The following ZNF273 variants were observed in gnomAD, a reference collection of about 807,000 sequenced individuals.
The protein encoded by ZNF273 is zinc finger protein 273, also known as zinc finger protein 9.
In ZNF273, 11 loss-of-function variants were observed where a neutral mutation model predicts 14.9. That is an observed-to-expected ratio of 0.74 (90% confidence interval 0.46 to 1.22). The LOEUF (loss-of-function observed/expected upper bound fraction) is 1.22. Among genes scored for constraint, ZNF273 ranks in the 50% most tolerant of loss-of-function variants. The pLI is 0.00. For missense variants in ZNF273, 577 were observed against 660.6 expected (o/e 0.87, Z 1.39); for synonymous variants, 199 against 223.9 (o/e 0.89, Z 0.99).
In ZNF273 at chr7:64,886,692, A is replaced by T. The variant is rs1320766515; in HGVS notation, n.274-1881A>T. On this transcript the variant is annotated intron_variant and non_coding_transcript_variant, in intron 1 of 1. Coordinates refer to the ZNF273 transcript ENST00000471926. ...GAGGAGACTGAGACCAAGGTGGTGA[A>T]GGATCTTAACCAAAGCCAGGTACAG... 3.3e-5 allele frequency among the ~76,000 whole-genome samples: 5 copies of T among 152,344 alleles called. No homozygotes were observed. The East Asian group carries it at 9.6e-4, about 29-fold the overall frequency.
chr7:64,924,711 G>C (rs1352110551), intron 3 of ZNF273, among the ~76,000 whole-genome samples: 1 of 152,022 alleles, frequency 6.6e-6, no homozygotes, highest in East Asian at 1.9e-4. Context: ...TATTTGCATG[G>C]AATATTACTT....
chr7:64,920,079 T>C (rs1396441921), intron 3 of ZNF273, among the ~76,000 whole-genome samples: 1 of 152,140 alleles, frequency 6.6e-6, no homozygotes, highest in Non-Finnish European at 1.5e-5. Context: ...TCTTTTTATG[T>C]TGGGCCCCCA....
downstream of ZNF273, chr7:64,888,881 A>G (rs890670743): frequency 1.0e-6 from 1 of 985,664 alleles, no homozygotes; most frequent in Non-Finnish European, 1.2e-6. Flanking sequence ...CTGCCAGGGA[A>G]ACGGAGGCCC....
intron 1 of ZNF273, among the ~76,000 whole-genome samples, chr7:64,916,484 G>C (rs1794001126): frequency 6.9e-6 from 1 of 144,342 alleles, no homozygotes; most frequent in Admixed American, 7.2e-5. Context: ...GGCGAAGATT[G>C]CACTGAGCCG....
chr7:64,911,351 C>T (rs1290314357), intron 1 of ZNF273, among the ~76,000 whole-genome samples: 1 of 151,368 alleles, frequency 6.6e-6, no homozygotes, highest in Non-Finnish European at 1.5e-5. Flanking sequence ...GCAGCCTCTG[C>T]CTCCTGGGTT....
intron 1 of ZNF273, among the ~76,000 whole-genome samples, chr7:64,905,687 G>C (rs1793063213): frequency 6.6e-6 from 1 of 152,188 alleles, no homozygotes; most frequent in Non-Finnish European, 1.5e-5. Context: ...CAGTAACTGA[G>C]GTATAGTGTC....
In ZNF273 at chr7:64,927,914, C is replaced by A; in HGVS notation, c.586C>A (p.His196Asn). The change falls in exon 4 of 4, where the codon CAT becomes AAT. Residue 196 changes from histidine (H) to asparagine (N), a missense_variant. Around this residue, in one of 3 missense-constraint regions of ZNF273, gnomAD observed 411 missense variants for 440.4 expected, o/e 0.93. Transcript: ENST00000476120. ...TCATAAATTCTCAAATTCAAATATA[C>A]ATAAGAAAAGACAAACTGGAAAGAA... ...VLHKFSNSNI[H>N]KKRQTGKKPF... 6.2e-7 allele frequency: 1 copy of A among 1,613,404 alleles called. No homozygotes were observed. The highest frequency in any genetic ancestry group is 8.5e-7 in the Non-Finnish European group (1 of 1,179,766).
downstream of ZNF273, among the ~76,000 whole-genome samples, chr7:64,890,392 G>A (rs1020876345): frequency 2.0e-5 from 3 of 151,986 alleles, no homozygotes; most frequent in Non-Finnish European, 2.9e-5. Context: ...GATCAGCTGC[G>A]GTCTGGGTTT....
downstream of ZNF273, among the ~76,000 whole-genome samples, chr7:64,932,224 T>TAAA (rs34367766): frequency 5.7e-4 from 83 of 146,810 alleles, no homozygotes; most frequent in East Asian, 1.0e-3. Flanking sequence ...TAACTGTTTG[T>TAAA]AAAAAAAAAA....
At chr7:64,924,636 C>T (rs914763837) in intron 3 of ZNF273, among the ~76,000 whole-genome samples, 3 of 152,018 alleles carry the variant, frequency 2.0e-5, no homozygotes, top group Admixed American at 1.3e-4. Context: ...TTATAAAATA[C>T]GACAGTTACT....
chr7:64,879,073 T>A (rs1791185817), intron 2 of ZNF273, among the ~76,000 whole-genome samples: 1 of 152,250 alleles, frequency 6.6e-6, no homozygotes. Flanking sequence ...CAGCCATGTC[T>A]GCCTTTTGCC....
downstream of ZNF273, among the ~76,000 whole-genome samples, chr7:64,883,404 C>A (rs1406821046): frequency 6.6e-6 from 1 of 152,118 alleles, no homozygotes; most frequent in Non-Finnish European, 1.5e-5. Context: ...CGTCGTGAGG[C>A]GGGCACTCCT....
At chr7:64,900,755 T>G (rs1167744130), upstream of ZNF273, among the ~76,000 whole-genome samples, 2 of 152,194 alleles carry the variant, frequency 1.3e-5, no homozygotes, top group African/African-American at 4.8e-5. Flanking sequence ...GCACACCTAA[T>G]CCAATCAATC....
intron 1 of ZNF273, among the ~76,000 whole-genome samples, chr7:64,914,332 T>C (rs986864109): frequency 5.4e-5 from 8 of 148,136 alleles, no homozygotes; most frequent in Non-Finnish European, 9.0e-5. Context: ...CCACCACACC[T>C]GGACTGTTTC....
At chr7:64,889,600 T>A (rs1035223831), downstream of ZNF273, 1 of 985,534 alleles carries the variant, frequency 1.0e-6, no homozygotes, top group East Asian at 1.1e-4. This position sits in a 1 kb window ranked among gnomAD's most constrained non-coding sequence, Gnocchi z 4.2. Flanking sequence ...GGGATGGGGG[T>A]CCCCGCGCTG....
exon 4 of ZNF273, chr7:64,897,405 C>T (rs1344464230): frequency 1.3e-5 from 2 of 152,184 alleles, no homozygotes; most frequent in Non-Finnish European, 2.9e-5. Flanking sequence ...CAGCTCACTT[C>T]AAGCTCTGCC....
chr7:64,902,081 A>G (rs1027546892), upstream of ZNF273, among the ~76,000 whole-genome samples: 1 of 148,804 alleles, frequency 6.7e-6, no homozygotes, highest in Non-Finnish European at 1.5e-5. Context: ...ACAATAATAT[A>G]TATTACATGA....
chr7:64,937,262 C>T, the ZNF273 span, among the ~76,000 whole-genome samples: 1 of 152,228 alleles, frequency 6.6e-6, no homozygotes, highest in East Asian at 1.9e-4. Flanking sequence ...TCAGCTCTAC[C>T]CACATTGACT....
At position 64,923,638 on chromosome 7, in the gene ZNF273, G is replaced by T. The variant is rs1457780046; in HGVS notation, c.326-4016G>T. 4.2e-5 allele frequency: 10 copies of T among 238,432 alleles called. No individual in the cohort carries two copies. The South Asian group carries it at 4.5e-4, about 11-fold the overall frequency. 14.8% of individuals were successfully genotyped at this position (238,432 alleles called of 1,614,324 possible). ...ATTACAGGCATGAGCCACAGTGCCC[G>T]GCCAAGTATTTTTATATTTCAGATC... On this transcript the variant is annotated intron_variant, in intron 3 of 3. Transcript: ENST00000476120.
Sources: allele counts gnomAD v4.1 joint callset (sites outside exome capture counted in the v4.1 genomes callset), GRCh38; gene constraint gnomAD v4.1.1; regional missense constraint gnomAD v4.1.1; non-coding constraint Gnocchi (gnomAD v3.1); transcripts MANE v1.5; gene names NCBI Gene and HGNC (gene_info 2026-07-23, HGNC 2026-07-21).